MAT2A: variants seen among roughly 807,000 people sequenced by gnomAD.
MAT2A encodes methionine adenosyltransferase 2A.
Under a neutral mutation model 43.9 loss-of-function variants are expected in MAT2A, and 3 were observed. The ratio of observed to expected loss-of-function variants is 0.07; its 90% CI spans 0.03 to 0.18. The LOEUF (loss-of-function observed/expected upper bound fraction) is 0.18. Among genes scored for constraint, MAT2A ranks in the 10% least tolerant of loss-of-function variants. The pLI is 1.00. For missense variants in MAT2A, 204 were observed against 489.0 expected (o/e 0.42, Z 5.50); for synonymous variants, 200 against 168.4 (o/e 1.19, Z -1.45).
At position 85,539,299 on chromosome 2, in the gene MAT2A, G is replaced by A. The variant is rs780241796; in HGVS notation, c.12G>A (p.Gln4=). Residue 4 remains glutamine (Q), a synonymous_variant, in exon 1 of 9, where the codon CAG becomes CAA. Transcript: ENST00000306434. MNG[Q]LNGFHEAFIE... The stretch of plus-strand genomic sequence containing the variant: ...ACACCGACACCAACATGAACGGACA[G>A]CTCAACGGCTTCCACGAGGCGTTCA... 1.2e-5 allele frequency: 20 copies of A among 1,605,532 alleles called. No individual in the cohort carries two copies. The South Asian group carries it at 1.6e-4, about 12-fold the overall frequency.
intron 1 of MAT2A, among the ~76,000 whole-genome samples, chr2:85,540,744 T>A (rs187286445): frequency 6.6e-4 from 100 of 152,328 alleles, no homozygotes; most frequent in Admixed American, 1.9e-3. Context: ...TAATTGGTGT[T>A]CCTTAAGATT....
Position 85,539,565 on chromosome 2 carries a change from C to T in MAT2A, c.91+187C>T, listed in dbSNP as rs556560420. On this transcript the variant is annotated intron_variant, in intron 1 of 8. Transcript: ENST00000306434. ...CTGGCGCGTGGCCGCCGCTCCTCTT[C>T]CCCCTCCCCTCTCCACCCTTCCCTT... is the stretch of plus-strand genomic sequence containing the variant. The T allele has an allele frequency of 2.1e-3, 1,028 of 483,194 alleles. 15 individuals are homozygous for T. Among genetic ancestry groups the T allele is most frequent in the Non-Finnish European group, 1.1e-4 (30 of 271,872 alleles). The allele number at this position is 483,194 out of a possible 1,614,324, so 29.9% of individuals were successfully genotyped here.
chr2:85,542,416 C>G, intron 6 of MAT2A, 43 bp downstream of exon 6: 1 of 1,591,964 alleles, frequency 6.3e-7, no homozygotes, highest in Non-Finnish European at 8.6e-7. Flanking sequence ...TTGATGGTTA[C>G]TTAAAATTTT....
rs1197968506 is a variant in MAT2A at position 85,541,078 on chromosome 2, TC to T, written c.92-3del. The stretch of plus-strand genomic sequence containing the variant: ...GAAACTGAGCCAGGAATTTCTCTTT[TC>T]CAGATAAGATTTGTGACCAAATCAG... On this transcript the variant is annotated splice_region_variant and splice_polypyrimidine_tract_variant and intron_variant, in intron 1 of 8. Transcript: ENST00000306434. The T allele has an allele frequency of 1.0e-5, 16 of 1,606,300 alleles. No individual in the cohort carries two copies. The highest frequency in any genetic ancestry group is 1.4e-5 in the Non-Finnish European group (16 of 1,175,818).
At position 85,542,912 on chromosome 2, in the gene MAT2A, T is replaced by A. The variant is rs1691515866; in HGVS notation, c.963T>A (p.Ala321=). ...TTGAATCCTTTTAGGTCTCTTATGCTATTGGAGTTTCTCATCCATTATCTA... is the reference window on the plus strand; with the variant it reads ...TTGAATCCTTTTAGGTCTCTTATGCAATTGGAGTTTCTCATCCATTATCTA... ...CRRVLVQVSY[A]IGVSHPLSIS... Residue 321 remains alanine, a synonymous_variant, in exon 8 of 9, where the codon GCT becomes GCA. Coordinates refer to ENST00000306434, the MANE Select transcript of MAT2A (RefSeq NM_005911.6). 3 of 1,613,512 alleles carry A rather than the reference T, an allele frequency of 1.9e-6. No individual in the cohort carries two copies. Among genetic ancestry groups the A allele is most frequent in the Non-Finnish European group, 2.5e-6 (3 of 1,179,848 alleles).
Position 85,539,433 on chromosome 2 carries a change from T to C in MAT2A, c.91+55T>C, listed in dbSNP as rs1691396218. ...GGCGGGGCAGAAGGCAGCGCCAAGG[T>C]CCGGCTGGCTGCGGCCGGCCGGTGG... On this transcript the variant is annotated intron_variant, in intron 1 of 8. Coordinates refer to ENST00000306434, the MANE Select transcript of MAT2A (RefSeq NM_005911.6). 27 of 1,423,198 alleles carry C rather than the reference T, an allele frequency of 1.9e-5. 1 individual carries two copies. The highest frequency in any genetic ancestry group is 2.5e-5 in the Non-Finnish European group (26 of 1,048,584). The allele number at this position is 1,423,198 out of a possible 1,614,324, so 88.2% of individuals were successfully genotyped here. A position where few individuals can be genotyped will look rare whatever the true frequency, so the allele number is the denominator to read the frequency against.
In MAT2A at chr2:85,542,327, T is replaced by C. The variant is rs765076845; in HGVS notation, c.722T>C (p.Ile241Thr). 6.2e-7 allele frequency: 1 copy of C among 1,614,210 alleles called. No individual in the cohort carries two copies. Among genetic ancestry groups the C allele is most frequent in the South Asian group, 1.1e-5 (1 of 91,082 alleles). The change falls in exon 6 of 9, where the codon ATC becomes ACC. Residue 241 changes from isoleucine to threonine, a missense_variant. This residue lies in a region of MAT2A where 103 missense variants were observed against 226.4 expected (regional missense o/e 0.45). Coordinates refer to ENST00000306434, the MANE Select transcript of MAT2A (RefSeq NM_005911.6). ...GCGAAATACCTTGATGAGGATACAATCTACCACCTACAGCCAAGTGGCAGA... is the reference window on the plus strand; with the variant it reads ...GCGAAATACCTTGATGAGGATACAACCTACCACCTACAGCCAAGTGGCAGA... ...VPAKYLDEDTIYHLQPSGRFV... is the reference protein window; with the variant it reads ...VPAKYLDEDTTYHLQPSGRFV...
In MAT2A at chr2:85,544,091, A is replaced by C. The variant is rs1486164948; in HGVS notation, c.*319A>C. 1 of 191,840 alleles carries C rather than the reference A, an allele frequency of 5.2e-6. No individual in the cohort carries two copies. The highest frequency in any genetic ancestry group is 1.1e-5 in the Non-Finnish European group (1 of 92,874). The allele number at this position is 191,840 out of a possible 1,614,324, so 11.9% of individuals were successfully genotyped here. A position where few individuals can be genotyped will look rare whatever the true frequency, so the allele number is the denominator to read the frequency against. On this transcript the variant is annotated 3_prime_UTR_variant, in exon 9 of 9. Transcript: ENST00000306434. ...TTGTGCCCTATCACCCAACGCTCCA[A>C]AGTCATAATTGCATTGACTTTCCCC...
chr2:85,543,848 T>G lies in MAT2A; in HGVS notation c.*76T>G. The G allele has an allele frequency of 1.1e-6, 1 of 905,746 alleles. No homozygotes were observed. The highest frequency in any genetic ancestry group is 1.7e-6 in the Non-Finnish European group (1 of 594,126). 56.1% of individuals were successfully genotyped at this position (905,746 alleles called of 1,614,324 possible). A position where few individuals can be genotyped will look rare whatever the true frequency, so the allele number is the denominator to read the frequency against. ...CTTCAAGCTCTGAGGGAAAGGGCCC[T>G]CCTTCCTAAATTTTCCTGTCCTCTT... On this transcript the variant is annotated 3_prime_UTR_variant, in exon 9 of 9. Transcript: ENST00000306434.
chr2:85,541,808 T>C (rs201062531), intron 4 of MAT2A, 21 bp from the exon 5 acceptor site: 12 of 1,613,876 alleles, frequency 7.4e-6, no homozygotes, highest in African/African-American at 1.3e-5. Context: ...TTGATCACAT[T>C]GGTGACTTTT....
chr2:85,539,473 G>A (rs1691398273), intron 1 of MAT2A, 95 bp downstream of exon 1: 4 of 911,444 alleles, frequency 4.4e-6, no homozygotes, highest in Non-Finnish European at 6.3e-6. Context: ...GCCCGCGCGG[G>A]TCGTCCTCGT....
At position 85,539,258 on chromosome 2, in the gene MAT2A, G is replaced by A. The variant is rs769208420; in HGVS notation, c.-30G>A. 2 of 1,559,896 alleles carry A rather than the reference G, an allele frequency of 1.3e-6. No individual in the cohort carries two copies. The highest frequency in any genetic ancestry group is 1.8e-6 in the Non-Finnish European group (2 of 1,140,938). ...GCTGCCGCCTCGCCGCTGCTCCTTC[G>A]TAAGGCCACTTCCGCACACCGACAC... On this transcript the variant is annotated 5_prime_UTR_variant, in exon 1 of 9. Transcript: ENST00000306434.
intron 5 of MAT2A, 80 bp downstream of exon 5, chr2:85,542,052 G>C: frequency 6.3e-7 from 1 of 1,585,382 alleles, no homozygotes; most frequent in East Asian, 2.2e-5. Flanking sequence ...ATAGCTAACT[G>C]GAAAAAATAG....
rs1308422512 is a variant in MAT2A, at chr2:85,543,333, AG to A, written c.1085+301del. 12 of 413,690 alleles carry A rather than the reference AG, an allele frequency of 2.9e-5. 2 individuals carry two copies. In the Admixed American group the frequency reaches 4.9e-4, roughly 17 times the overall value. The allele number at this position is 413,690 out of a possible 1,614,324, so 25.6% of individuals were successfully genotyped here. A position where few individuals can be genotyped will look rare whatever the true frequency, so the allele number is the denominator to read the frequency against. On this transcript the variant is annotated intron_variant, in intron 8 of 8. Coordinates refer to ENST00000306434, the MANE Select transcript of MAT2A (RefSeq NM_005911.6). ...AAATAGAGATAAAGTGGGTTGCTCA[AG>A]GTTTGTTGCAATGTAAAAACCATGG...
chr2:85,540,391 A>G (rs1691443278), intron 1 of MAT2A, among the ~76,000 whole-genome samples: 2 of 152,182 alleles, frequency 1.3e-5, no homozygotes, highest in Admixed American at 1.3e-4. Context: ...TGAGAGGACA[A>G]ACCCAGGATC....
Position 85,539,391 on chromosome 2 carries a change from C to T in MAT2A, c.91+13C>T. On this transcript the variant is annotated intron_variant, in intron 1 of 8. Coordinates refer to ENST00000306434, the MANE Select transcript of MAT2A (RefSeq NM_005911.6). Reference sequence around the variant, plus strand: ...GAAGGCCACCCAGGTGAGGGGACGGCCTGAAGCGAAGCGTGGGGCGGGGCA... The same window carrying T: ...GAAGGCCACCCAGGTGAGGGGACGGTCTGAAGCGAAGCGTGGGGCGGGGCA... 6.3e-7 allele frequency: 1 copy of T among 1,592,080 alleles called. No individual in the cohort carries two copies. Among genetic ancestry groups the T allele is most frequent in the African/African-American group, 1.4e-5 (1 of 72,814 alleles).
At chr2:85,540,747 T>A (rs1434180807) in intron 1 of MAT2A, among the ~76,000 whole-genome samples, 2 of 152,210 alleles carry the variant, frequency 1.3e-5, no homozygotes, top group Non-Finnish European at 1.5e-5. Flanking sequence ...TTGGTGTTCC[T>A]TAAGATTAGG....
At position 85,539,353 on chromosome 2, in the gene MAT2A, A is replaced by G. The variant is rs752605763; in HGVS notation, c.66A>G (p.Ser22=). The change falls in exon 1 of 9, where the codon TCA becomes TCG. Residue 22 remains serine (S), a synonymous_variant. Coordinates refer to ENST00000306434, the MANE Select transcript of MAT2A (RefSeq NM_005911.6). ...AGGAGGGCACATTCCTTTTCACCTCAGAGTCGGTCGGGGAAGGCCACCCAG... is the reference window on the plus strand; with the variant it reads ...AGGAGGGCACATTCCTTTTCACCTCGGAGTCGGTCGGGGAAGGCCACCCAG... ...FIEEGTFLFT[S]ESVGEGHPDK... 1 of 1,604,284 alleles carries G rather than the reference A, an allele frequency of 6.2e-7. No individual in the cohort carries two copies. The highest frequency in any genetic ancestry group is 8.5e-7 in the Non-Finnish European group (1 of 1,176,172).
chr2:85,541,292 G>A lies in MAT2A; in HGVS notation c.207G>A (p.Gly69=). The part of the protein sequence containing the change: ...VAKTGMILLA[G]EITSRAAVDY... ...AAACTGGAATGATCCTTCTTGCTGG[G>A]GAAATTACATCCAGAGCTGCTGTTG... The change falls in exon 3 of 9, where the codon GGG becomes GGA. Residue 69 remains glycine, a synonymous_variant. Transcript: ENST00000306434. 1 of 1,614,130 alleles carries A rather than the reference G, an allele frequency of 6.2e-7. No homozygotes were observed. The highest frequency in any genetic ancestry group is 8.5e-7 in the Non-Finnish European group (1 of 1,180,004).
Sources: gnomAD v4.1 joint callset for allele counts (sites outside exome capture counted in the v4.1 genomes callset) on GRCh38, gnomAD v4.1.1 for gene constraint, gnomAD v4.1.1 regional missense constraint, MANE v1.5 for transcripts, NCBI Gene and HGNC (gene_info 2026-07-23, HGNC 2026-07-21) for gene names.